The following CFI variants were observed in gnomAD, a reference collection of about 807,000 sequenced individuals.
CFI encodes C3B/C4B inactivator.
In CFI, 66 loss-of-function variants were observed where a neutral mutation model predicts 78.8. The ratio of observed to expected loss-of-function variants is 0.84; its 90% CI spans 0.69 to 1.03. The LOEUF (loss-of-function observed/expected upper bound fraction) is 1.03, where lower values mean the gene tolerates loss of function less well. Ranked by LOEUF, CFI falls within the 50% of genes least tolerant of loss-of-function variation. The probability of loss-of-function intolerance (pLI) is 0.00; values close to 1 mark genes in which losing one functional copy is unlikely to be tolerated. For synonymous variants in CFI, 250 were observed against 232.6 expected (o/e 1.07, Z -0.68); for missense variants, 706 against 704.5 (o/e 1.00, Z -0.02).
intron 1 of CFI, among the ~76,000 whole-genome samples, chr4:109,772,383 T>A (rs1274869238): frequency 1.3e-5 from 2 of 152,266 alleles, no homozygotes; most frequent in African/African-American, 4.8e-5. Flanking sequence ...ATAAACGATG[T>A]GAGTATGCCT....
At chr4:109,782,453 G>A (rs764904517) in intron 1 of CFI, among the ~76,000 whole-genome samples, 65 of 138,754 alleles carry the variant, frequency 4.7e-4, no homozygotes, top group Non-Finnish European at 8.1e-4. Context: ...AAATACTTAG[G>A]AATATACCTA....
At chr4:109,750,287 C>T (rs112008950) in intron 8 of CFI, among the ~76,000 whole-genome samples, 10 of 152,192 alleles carry the variant, frequency 6.6e-5, no homozygotes, top group African/African-American at 1.2e-4. Context: ...TGAACCACCA[C>T]GCCCAGCCAT....
At chr4:109,779,375 C>T (rs1224731249) in intron 1 of CFI, among the ~76,000 whole-genome samples, 1 of 152,020 alleles carries the variant, frequency 6.6e-6, no homozygotes, top group Non-Finnish European at 1.5e-5. Flanking sequence ...AGTGAACTCC[C>T]ATTCACAATT....
intron 1 of CFI, among the ~76,000 whole-genome samples, chr4:109,788,807 C>A (rs1731042636): frequency 6.6e-6 from 1 of 151,880 alleles, no homozygotes; most frequent in South Asian, 2.1e-4. Flanking sequence ...TATTACAGTA[C>A]AAACAGCATC....
At chr4:109,792,865 C>T (rs28813090) in intron 1 of CFI, among the ~76,000 whole-genome samples, 4,307 of 152,172 alleles carry the variant, frequency 0.028, 204 homozygotes, top group African/African-American at 0.099. Context: ...CTAAAGGCAG[C>T]CTCTTTAGAC....
chr4:109,738,827 T>C (rs936352575), downstream of CFI, among the ~76,000 whole-genome samples: 1 of 152,208 alleles, frequency 6.6e-6, no homozygotes, highest in African/African-American at 2.4e-5. Flanking sequence ...TCCAATCCTG[T>C]CTGACGGCAA....
intron 7 of CFI, among the ~76,000 whole-genome samples, 159 bp downstream of exon 7, chr4:109,757,604 T>C (rs1219580790): frequency 6.6e-6 from 1 of 152,124 alleles, no homozygotes; most frequent in African/African-American, 2.4e-5. Flanking sequence ...TTTATCACAC[T>C]GAGAAAAGGC....
Position 109,741,041 on chromosome 4 carries a change from T to C in CFI, c.1604A>G (p.Asn535Ser), listed in dbSNP as rs1314756797. The stretch of plus-strand genomic sequence containing the variant: ...AACACCCCAGACATAAGTCACATTG[T>C]TGGCATCCATACAGACTAAGGGGCC... ...SGGPLVCMDA[N>S]NVTYVWGVVS... Residue 535 changes from asparagine (N) to serine (S), a missense_variant, in exon 13 of 13, where the codon AAC becomes AGC. Physicochemically the swap from Asn to Ser is conservative, Grantham distance 46. Coordinates refer to ENST00000394634, the MANE Select transcript of CFI (RefSeq NM_000204.5). 1.2e-6 allele frequency: 2 copies of C among 1,614,088 alleles called. No homozygotes were observed. Among genetic ancestry groups the C allele is most frequent in the Non-Finnish European group, 1.7e-6 (2 of 1,180,016 alleles).
intron 7 of CFI, among the ~76,000 whole-genome samples, chr4:109,753,485 A>T (rs1177308952): frequency 3.5e-5 from 3 of 86,846 alleles, no homozygotes; most frequent in Admixed American, 2.1e-4. Flanking sequence ...AAATATTTAT[A>T]ATAAATATTT....
intron 1 of CFI, among the ~76,000 whole-genome samples, chr4:109,795,808 TG>T (rs1314371365): frequency 6.6e-6 from 1 of 152,120 alleles, no homozygotes. Context: ...TGAAATTATA[TG>T]GTCAGAGGAA....
rs745763036 is a variant in CFI at position 109,752,496 on chromosome 4, T to C, written c.912A>G (p.Thr304=). Residue 304 remains threonine (T), a synonymous_variant, in exon 8 of 13, where the codon ACA becomes ACG. Transcript: ENST00000394634. ...CATCCATGTCAGCAGTCAAAATTTCTGTTTCTTCTATGATAAAACAAAAGA... is the reference window on the plus strand; with the variant it reads ...CATCCATGTCAGCAGTCAAAATTTCCGTTTCTTCTATGATAAAACAAAAGA... ...AGFASVTQEE[T]EILTADMDAE... 81 of 1,612,984 alleles carry C rather than the reference T, an allele frequency of 5.0e-5. No individual in the cohort carries two copies. The highest frequency in any genetic ancestry group is 6.7e-5 in the Non-Finnish European group (79 of 1,179,328).
chr4:109,793,630 T>A (rs1179320531), intron 1 of CFI: 2 of 152,264 alleles, frequency 1.3e-5, no homozygotes, highest in Admixed American at 6.5e-5. Context: ...TGAGCTCAAG[T>A]GATTCTCCCA....
At chr4:109,775,479 G>A (rs1414854048) in intron 1 of CFI, among the ~76,000 whole-genome samples, 1 of 152,206 alleles carries the variant, frequency 6.6e-6, no homozygotes, top group Admixed American at 6.5e-5. Flanking sequence ...TGAGGCTTGA[G>A]TAGGTAAACA....
intron 12 of CFI, chr4:109,741,337 T>C: frequency 1.0e-6 from 1 of 985,470 alleles, no homozygotes; most frequent in Non-Finnish European, 1.2e-6. Flanking sequence ...ATGTTCTTCC[T>C]GTGTTCTCTA....
chr4:109,760,197 C>T, intron 6 of CFI, 73 bp downstream of exon 6: 1 of 1,028,812 alleles, frequency 9.7e-7, no homozygotes, highest in Non-Finnish European at 1.5e-6. Context: ...TAAGATTATA[C>T]TTTACCTAAA....
chr4:109,780,822 A>G (rs1314478637), intron 1 of CFI, among the ~76,000 whole-genome samples: 1 of 152,200 alleles, frequency 6.6e-6, no homozygotes, highest in African/African-American at 2.4e-5. Context: ...CAGCCATAAA[A>G]ATTGATGAGT....
downstream of CFI, among the ~76,000 whole-genome samples, chr4:109,738,222 C>T (rs1723482538): frequency 6.6e-6 from 1 of 151,676 alleles, no homozygotes; most frequent in South Asian, 2.1e-4. Context: ...TCAAATGATC[C>T]TCCCACCTCA....
At chr4:109,731,464 G>A in the CFI span, among the ~76,000 whole-genome samples, 1 of 152,320 alleles carries the variant, frequency 6.6e-6, no homozygotes. Flanking sequence ...TATAATAAAC[G>A]TTCAGTGCAC....
Position 109,760,392 on chromosome 4 carries a change from T to C in CFI, c.773-12A>G, listed in dbSNP as rs376934552. The C allele has an allele frequency of 1.8e-5, 29 of 1,604,118 alleles. No individual in the cohort carries two copies. The African/African-American group carries it at 3.1e-4, about 17-fold the overall frequency. On this transcript the variant is annotated splice_polypyrimidine_tract_variant and intron_variant, in intron 5 of 12. Transcript: ENST00000394634. ...TTTGCCTTGGCATGCTGTGCAAACA[T>C]AAGCAGGAGAGGTTTTTTTCATTCC...
Sources: gnomAD v4.1 joint callset for allele counts (sites outside exome capture counted in the v4.1 genomes callset) on GRCh38, gnomAD v4.1.1 for gene constraint, MANE v1.5 for transcripts, NCBI Gene and HGNC (gene_info 2026-07-23, HGNC 2026-07-21) for gene names.